The following TAFA4 variants were observed in gnomAD, a reference collection of about 807,000 sequenced individuals.
TAFA4 encodes TAFA chemokine like family member 4.
Under a neutral mutation model 21.1 loss-of-function variants are expected in TAFA4, and 20 were observed. The ratio of observed to expected loss-of-function variants is 0.95; its 90% CI spans 0.67 to 1.38. TAFA4 has a LOEUF of 1.38. TAFA4 is among the 40% of genes most tolerant of loss of function. TAFA4 has a pLI of 0.00. For missense variants in TAFA4, 211 were observed against 180.9 expected, an observed-to-expected ratio of 1.17 and a Z score of -0.95; for synonymous variants, 71 against 67.4, an observed-to-expected ratio of 1.05 and a Z score of -0.26.
At chr3:68,787,535 GAAGA>G (rs1341115409) in intron 3 of TAFA4, among the ~76,000 whole-genome samples, 1 of 152,136 alleles carries the variant, frequency 6.6e-6, no homozygotes, top group African/African-American at 2.4e-5. Flanking sequence ...CCATTGTAAA[GAAGA>G]AAGAAGGGAA....
chr3:68,925,096 C>T (rs530880114), intron 1 of TAFA4, among the ~76,000 whole-genome samples: 7 of 152,252 alleles, frequency 4.6e-5, no homozygotes, highest in African/African-American at 1.7e-4. Flanking sequence ...ACAAAGCAGA[C>T]AAAGAGCAGG....
intron 1 of TAFA4, among the ~76,000 whole-genome samples, chr3:68,912,457 G>T (rs1301672523): frequency 6.6e-6 from 1 of 152,186 alleles, no homozygotes; most frequent in East Asian, 1.9e-4. Flanking sequence ...TTTGAAATGG[G>T]ATGAGCCACA....
rs1703692316 is a variant in TAFA4 at position 68,806,067 on chromosome 3, G to A, written c.131-53049C>T. 3.9e-5 allele frequency among the ~76,000 whole-genome samples: 6 copies of A among 152,142 alleles called. No individual in the cohort carries two copies. The South Asian group carries it at 1.2e-3, about 32-fold the overall frequency. ...ACAACAATTTGAGTACAAAAGGTGGGTCTTGAATTTGTGTGACTTTAAGTA... is the reference window on the plus strand; with the variant it reads ...ACAACAATTTGAGTACAAAAGGTGGATCTTGAATTTGTGTGACTTTAAGTA... On this transcript the variant is annotated intron_variant, in intron 3 of 5. Coordinates refer to ENST00000295569, the MANE Select transcript of TAFA4 (RefSeq NM_182522.5).
rs545560229 is a variant in TAFA4 at position 68,841,479 on chromosome 3, C to T, written c.130+39251G>A. 5.3e-5 allele frequency among the ~76,000 whole-genome samples: 8 copies of T among 152,250 alleles called. No homozygotes were observed. The South Asian group carries it at 1.0e-3, about 20-fold the overall frequency. The stretch of plus-strand genomic sequence containing the variant: ...CCTGACCCACAACTAAATCACAATG[C>T]GTGACTATCACCCTACACAATTCAT... On this transcript the variant is annotated intron_variant, in intron 3 of 5. Transcript: ENST00000295569.
chr3:68,896,895 T>C (rs2106975426), intron 1 of TAFA4, among the ~76,000 whole-genome samples: 1 of 152,266 alleles, frequency 6.6e-6, no homozygotes, highest in East Asian at 1.9e-4. Flanking sequence ...ATACAATCTG[T>C]TGTTTTTGTT....
chr3:68,834,545 T>C (rs1704477433), intron 3 of TAFA4, among the ~76,000 whole-genome samples: 1 of 152,164 alleles, frequency 6.6e-6, no homozygotes, highest in African/African-American at 2.4e-5. Flanking sequence ...CCATCTTATA[T>C]CTTTTTTGAC....
chr3:68,795,144 A>ATTATTTT (rs1400887365), intron 3 of TAFA4, among the ~76,000 whole-genome samples: 1 of 151,532 alleles, frequency 6.6e-6, no homozygotes. Context: ...TAAATTAGAG[A>ATTATTTT]TTATTTTGTG....
intron 3 of TAFA4, among the ~76,000 whole-genome samples, chr3:68,834,190 C>T (rs1356113833): frequency 6.6e-6 from 1 of 152,168 alleles, no homozygotes; most frequent in African/African-American, 2.4e-5. Flanking sequence ...CCTACTTAAG[C>T]AGAGGCTAAC....
chr3:68,795,116 A>T (rs1703431662), intron 3 of TAFA4, among the ~76,000 whole-genome samples: 1 of 151,800 alleles, frequency 6.6e-6, no homozygotes, highest in Admixed American at 6.6e-5. Context: ...TAAAGGACAG[A>T]TTCCATAGTT....
At chr3:68,820,156 C>A (rs1704080069) in intron 3 of TAFA4, among the ~76,000 whole-genome samples, 1 of 152,126 alleles carries the variant, frequency 6.6e-6, no homozygotes, top group Admixed American at 6.5e-5. Flanking sequence ...ACCTGGAGGA[C>A]ATTATGTTAA....
chr3:68,861,030 AC>A (rs113804738), intron 3 of TAFA4, among the ~76,000 whole-genome samples: 9,326 of 110,816 alleles, frequency 0.084, 705 homozygotes, highest in African/African-American at 0.24. Flanking sequence ...TTAAATATGC[AC>A]CCCCCCCCCG....
chr3:68,908,364 A>G (rs186140849), intron 1 of TAFA4, among the ~76,000 whole-genome samples: 29 of 152,228 alleles, frequency 1.9e-4, no homozygotes, highest in African/African-American at 6.7e-4. Context: ...AATCAGCCCT[A>G]ATCTCTAGTG....
chr3:68,920,858 A>G (rs1438033588), intron 1 of TAFA4, among the ~76,000 whole-genome samples: 1 of 152,088 alleles, frequency 6.6e-6, no homozygotes, highest in Non-Finnish European at 1.5e-5. Flanking sequence ...CTAAAAGCAG[A>G]TATTGTTCTT....
At chr3:68,792,272 A>C (rs1401896430) in intron 3 of TAFA4, among the ~76,000 whole-genome samples, 3 of 152,142 alleles carry the variant, frequency 2.0e-5, no homozygotes, top group African/African-American at 4.8e-5. Context: ...TATTAATCTT[A>C]TTTCTATTTT....
chr3:68,809,692 AT>A, intron 3 of TAFA4, among the ~76,000 whole-genome samples: 1 of 145,224 alleles, frequency 6.9e-6, no homozygotes, highest in East Asian at 3.3e-4. Flanking sequence ...TTATGGTTTC[AT>A]AGTCTTATCT....
intron 3 of TAFA4, among the ~76,000 whole-genome samples, chr3:68,826,799 T>C (rs944845165): frequency 6.6e-6 from 1 of 152,094 alleles, no homozygotes; most frequent in African/African-American, 2.4e-5. Flanking sequence ...TTAATACCCT[T>C]CTACTCCAAC....
At chr3:68,885,593 CA>C (rs1241276006) in intron 1 of TAFA4, among the ~76,000 whole-genome samples, 1 of 152,110 alleles carries the variant, frequency 6.6e-6, no homozygotes, top group Non-Finnish European at 1.5e-5. Context: ...CAGAGGGTCC[CA>C]AATCATTTGA....
At chr3:68,822,589 G>A (rs576079758) in intron 3 of TAFA4, among the ~76,000 whole-genome samples, 22 of 152,114 alleles carry the variant, frequency 1.4e-4, no homozygotes, top group African/African-American at 3.4e-4. Flanking sequence ...CTTCCACCTC[G>A]GCCTCCCGAG....
intron 2 of TAFA4, among the ~76,000 whole-genome samples, chr3:68,883,976 G>C (rs1308951899): frequency 7.6e-6 from 1 of 130,986 alleles, no homozygotes. Context: ...GGCAGGGAGG[G>C]AAAGACAAAA....
Sources: allele counts gnomAD v4.1 joint callset (sites outside exome capture counted in the v4.1 genomes callset), GRCh38; gene constraint gnomAD v4.1.1; transcripts MANE v1.5; gene names NCBI Gene and HGNC (gene_info 2026-07-23, HGNC 2026-07-21).